Variants in MYO16 observed in about 807,000 individuals in gnomAD.
MYO16 encodes the protein myosin XVI.
MYO16 carries 94 observed loss-of-function variants against 205.3 expected under a neutral mutation model. The ratio of observed to expected loss-of-function variants is 0.46; its 90% CI spans 0.39 to 0.54. The LOEUF is 0.54. MYO16 is among the 20% of genes least tolerant of loss of function. MYO16 has a pLI of 0.00. For missense variants in MYO16, 2,315 were observed against 2,387.5 expected, an observed-to-expected ratio of 0.97 and a Z score of 0.63; for synonymous variants, 988 against 954.0, an observed-to-expected ratio of 1.04 and a Z score of -0.66.
intron 2 of MYO16, among the ~76,000 whole-genome samples, chr13:108,694,149 T>C (rs1250959212): frequency 3.9e-5 from 6 of 152,218 alleles, no homozygotes; most frequent in African/African-American, 1.2e-4. Context: ...TTTGCTATTG[T>C]GAATAGTGCT....
chr13:108,555,589 G>T, the MYO16 span, among the ~76,000 whole-genome samples: 2 of 152,070 alleles, frequency 1.3e-5, no homozygotes, highest in African/African-American at 2.4e-5. Flanking sequence ...ATCTTTTTTT[G>T]TGTGTGTTGA....
At chr13:108,526,049 A>G in the MYO16 span, among the ~76,000 whole-genome samples, 4 of 151,970 alleles carry the variant, frequency 2.6e-5, no homozygotes, top group Admixed American at 2.6e-4. Context: ...ACATACATGG[A>G]TGACCAACCT....
At chr13:108,593,315 T>G (rs1878453451), upstream of MYO16, among the ~76,000 whole-genome samples, 1 of 152,064 alleles carries the variant, frequency 6.6e-6, no homozygotes, top group African/African-American at 2.4e-5. Flanking sequence ...TTAAGCTGTA[T>G]AAAAGGTGCA....
At chr13:108,945,994 G>A (rs1210782549) in intron 16 of MYO16, among the ~76,000 whole-genome samples, 1 of 152,166 alleles carries the variant, frequency 6.6e-6, no homozygotes, top group African/African-American at 2.4e-5. Flanking sequence ...GTACCTGGAA[G>A]GTGCGTCTGT....
chr13:108,795,558 C>A (rs1345798347), intron 6 of MYO16, among the ~76,000 whole-genome samples: 1 of 151,992 alleles, frequency 6.6e-6, no homozygotes, highest in Admixed American at 6.6e-5. Context: ...CTTCCAAAAT[C>A]GATATTTATA....
At chr13:108,534,872 C>CCTT in the MYO16 span, among the ~76,000 whole-genome samples, 1 of 148,226 alleles carries the variant, frequency 6.7e-6, no homozygotes, top group African/African-American at 2.5e-5. Flanking sequence ...TCCTTCTTCT[C>CCTT]CTTCTTCTTC....
intron 4 of MYO16, among the ~76,000 whole-genome samples, chr13:108,750,340 T>C (rs990710093): frequency 6.6e-6 from 1 of 152,142 alleles, no homozygotes; most frequent in African/African-American, 2.4e-5. Flanking sequence ...ATTGCAAACC[T>C]ATGAAACAAT....
intron 9 of MYO16, among the ~76,000 whole-genome samples, chr13:108,830,946 A>G (rs1184695488): frequency 6.6e-6 from 1 of 152,176 alleles, no homozygotes; most frequent in Non-Finnish European, 1.5e-5. Flanking sequence ...CATATGCCAT[A>G]TCTTTACATC....
intron 9 of MYO16, among the ~76,000 whole-genome samples, chr13:108,834,821 CTA>C (rs1297435414): frequency 1.3e-5 from 2 of 151,710 alleles, no homozygotes; most frequent in Non-Finnish European, 2.9e-5. Context: ...TAGCATTTTA[CTA>C]TGTGTGTCCT....
chr13:109,032,645 A>C (rs941736129), intron 23 of MYO16, among the ~76,000 whole-genome samples: 3 of 152,238 alleles, frequency 2.0e-5, no homozygotes, highest in African/African-American at 7.2e-5. Context: ...TTGGTGTATG[A>C]AGTAAATACA....
chr13:108,595,427 A>G (rs888592925), upstream of MYO16, among the ~76,000 whole-genome samples: 2 of 152,144 alleles, frequency 1.3e-5, no homozygotes, highest in Non-Finnish European at 2.9e-5. Context: ...CTTGCTCTTG[A>G]GTTAAAAAAA....
chr13:108,678,636 G>A (rs140797921), intron 2 of MYO16, among the ~76,000 whole-genome samples: 9 of 152,230 alleles, frequency 5.9e-5, no homozygotes, highest in African/African-American at 2.2e-4. Context: ...AAGCATCATT[G>A]ACTCCATTAT....
At chr13:108,670,824 G>A (rs1881950263) in intron 2 of MYO16, among the ~76,000 whole-genome samples, 1 of 152,028 alleles carries the variant, frequency 6.6e-6, no homozygotes, top group South Asian at 2.1e-4. Flanking sequence ...ATGTATATAT[G>A]GATGCCATTT....
At chr13:108,757,446 T>G (rs2139649241) in intron 4 of MYO16, among the ~76,000 whole-genome samples, 1 of 152,300 alleles carries the variant, frequency 6.6e-6, no homozygotes, top group South Asian at 2.1e-4. Context: ...ACAGTCATAC[T>G]TAAAGTTGTT....
intron 1 of MYO16, among the ~76,000 whole-genome samples, chr13:108,635,058 A>G (rs992412995): frequency 1.3e-5 from 2 of 152,130 alleles, no homozygotes; most frequent in African/African-American, 2.4e-5. Flanking sequence ...TTCTTTTTTG[A>G]CAGGCATTAA....
At chr13:108,579,982 A>G in the MYO16 span, among the ~76,000 whole-genome samples, 1 of 152,218 alleles carries the variant, frequency 6.6e-6, no homozygotes, top group Non-Finnish European at 1.5e-5. Flanking sequence ...GATAATTTAT[A>G]GATCCAGGGA....
At chr13:109,063,849 C>T (rs1887663055) in intron 27 of MYO16, among the ~76,000 whole-genome samples, 1 of 152,138 alleles carries the variant, frequency 6.6e-6, no homozygotes, top group Non-Finnish European at 1.5e-5. Context: ...TTTGAGGCAT[C>T]GTATGTGTCA....
At chr13:108,703,686 T>A (rs1046384377) in intron 2 of MYO16, among the ~76,000 whole-genome samples, 3 of 152,050 alleles carry the variant, frequency 2.0e-5, no homozygotes, top group Non-Finnish European at 4.4e-5. Flanking sequence ...TTAAAAGAAT[T>A]AAAATATTAC....
chr13:109,031,856 A>G (rs1398944552), intron 23 of MYO16, among the ~76,000 whole-genome samples: 1 of 152,186 alleles, frequency 6.6e-6, no homozygotes, highest in Non-Finnish European at 1.5e-5. Context: ...CACAGACCCA[A>G]TTCAGTAACT....
Sources: gnomAD v4.1 joint callset for allele counts (sites outside exome capture counted in the v4.1 genomes callset) on GRCh38, gnomAD v4.1.1 for gene constraint, MANE v1.5 for transcripts, NCBI Gene and HGNC (gene_info 2026-07-23, HGNC 2026-07-21) for gene names.